The following SH3BP2 variants were observed in gnomAD, a reference collection of about 807,000 sequenced individuals.
SH3BP2 encodes the protein SH3 domain binding protein 2.
Under a neutral mutation model 56.2 loss-of-function variants are expected in SH3BP2, and 38 were observed. That is an observed-to-expected ratio of 0.68 (90% CI 0.52 to 0.89). SH3BP2 has a LOEUF of 0.89. Among genes scored for constraint, SH3BP2 ranks in the 40% least tolerant of loss-of-function variants. SH3BP2 has a pLI of 0.00. For missense variants in SH3BP2, 748 were observed against 762.6 expected (o/e 0.98, Z 0.23); for synonymous variants, 346 against 316.7 (o/e 1.09, Z -0.98).
intron 1 of SH3BP2, chr4:2,818,670 G>T: frequency 1.0e-6 from 1 of 986,492 alleles, no homozygotes; most frequent in Non-Finnish European, 1.2e-6. Flanking sequence ...TTCGGGCCGG[G>T]CGCGGTTGGG....
intron 7 of SH3BP2, among the ~76,000 whole-genome samples, chr4:2,828,799 G>A (rs1034507015): frequency 6.6e-6 from 1 of 151,986 alleles, no homozygotes. Flanking sequence ...CAGTTCCAGC[G>A]CTCAGTCCTG....
chr4:2,807,262 T>G (rs933936208), intron 1 of SH3BP2, among the ~76,000 whole-genome samples: 1 of 152,334 alleles, frequency 6.6e-6, no homozygotes, highest in East Asian at 1.9e-4. Flanking sequence ...ACCTCTCTCA[T>G]TGAGAGTCCA....
chr4:2,811,198 T>G (rs1723733933), intron 1 of SH3BP2, among the ~76,000 whole-genome samples: 1 of 152,162 alleles, frequency 6.6e-6, no homozygotes. Flanking sequence ...GCTGCCTTTT[T>G]TGAGTGACCC....
At chr4:2,793,354 G>A (rs1423996034) in intron 1 of SH3BP2, among the ~76,000 whole-genome samples, 1 of 148,104 alleles carries the variant, frequency 6.8e-6, no homozygotes, top group Non-Finnish European at 1.5e-5. Flanking sequence ...GGTCTTGGCA[G>A]GTCTCGGGGG....
Position 2,827,333 on chromosome 4 carries a change from C to T in SH3BP2, c.517+15C>T, listed in dbSNP as rs755317801. 1.9e-5 allele frequency: 31 copies of T among 1,609,116 alleles called. No individual in the cohort carries two copies. The highest frequency in any genetic ancestry group is 1.5e-4 in the Admixed American group (9 of 60,002). ...GGACAATGAAGGTGAGGTCTTTCTC[C>T]GCATCCACTGCCCGTTTGCCTCTCC... On this transcript the variant is annotated intron_variant, in intron 6 of 12. Coordinates refer to ENST00000503393, the MANE Select transcript of SH3BP2 (RefSeq NM_001122681.2).
chr4:2,840,803 A>T lies in SH3BP2; in HGVS notation c.*6969A>T, dbSNP rs1367515665. On this transcript the variant is annotated 3_prime_UTR_variant, in exon 13 of 13. Coordinates refer to ENST00000503393, the MANE Select transcript of SH3BP2 (RefSeq NM_001122681.2). ...CTATCAATCAGTTTTGGGAAAATTG[A>T]CGTCTTTACAATATTGAGTTTTCTG... is the stretch of plus-strand genomic sequence containing the variant. 2 of 152,188 alleles carry T rather than the reference A, an allele frequency of 1.3e-5. No homozygotes were observed. The highest frequency in any genetic ancestry group is 2.9e-5 in the Non-Finnish European group (2 of 68,030). 9.4% of individuals were successfully genotyped at this position (152,188 alleles called of 1,614,324 possible).
intron 1 of SH3BP2, among the ~76,000 whole-genome samples, chr4:2,808,501 G>C (rs1356913109): frequency 6.6e-6 from 1 of 152,108 alleles, no homozygotes; most frequent in Non-Finnish European, 1.5e-5. Context: ...CCCCAGGCAG[G>C]GTCCTTCTTT....
rs1401867989 is a variant in SH3BP2, at chr4:2,810,092, T to C, written c.-4-10522T>C. On this transcript the variant is annotated intron_variant, in intron 1 of 12. Transcript: ENST00000503393. The surrounding 1 kb of genome is among the most constrained non-coding windows in gnomAD (Gnocchi z 4.2). ...GGGGAGAATGGCCTGTGTTTAGGAA[T>C]ATGAACGGCAGTGTCATATGCCGCA... is the stretch of plus-strand genomic sequence containing the variant. Among the ~76,000 whole-genome samples, 2 of 152,278 alleles carry C rather than the reference T, an allele frequency of 1.3e-5. No homozygotes were observed. The highest frequency in any genetic ancestry group is 2.4e-5 in the African/African-American group (1 of 41,556).
intron 7 of SH3BP2, among the ~76,000 whole-genome samples, chr4:2,827,939 G>C (rs1486097878): frequency 6.6e-6 from 1 of 152,204 alleles, no homozygotes; most frequent in African/African-American, 2.4e-5. Flanking sequence ...GGTGGCCCTG[G>C]GGGTTAAGCA....
rs1560120443 is a variant in SH3BP2, at chr4:2,840,999, TTTG to T, written c.*7168_*7170del. 6.6e-6 allele frequency: 1 copy of T among 152,218 alleles called. No individual in the cohort carries two copies. The highest frequency in any genetic ancestry group is 6.5e-5 in the Admixed American group (1 of 15,284). The allele number at this position is 152,218 out of a possible 1,614,324, so 9.4% of individuals were successfully genotyped here. ...GTGTATTTTTAATTTCATTTTTTTT[TTTG>T]TTAATAGCATATAAAACACACCTTG... On this transcript the variant is annotated 3_prime_UTR_variant, in exon 13 of 13. Transcript: ENST00000503393.
At chr4:2,802,263 G>T (rs1170388738) in intron 1 of SH3BP2, among the ~76,000 whole-genome samples, 1 of 152,040 alleles carries the variant, frequency 6.6e-6, no homozygotes, top group Non-Finnish European at 1.5e-5. Flanking sequence ...TGGGTGTGGT[G>T]GTATGACCTG....
In SH3BP2 at chr4:2,830,016, G is replaced by C. The variant is rs1218387660; in HGVS notation, c.1110G>C (p.Glu370Asp). 3 of 1,613,036 alleles carry C rather than the reference G, an allele frequency of 1.9e-6. No individual in the cohort carries two copies. Among genetic ancestry groups the C allele is most frequent in the Non-Finnish European group, 1.7e-6 (2 of 1,179,994 alleles). The stretch of plus-strand genomic sequence containing the variant: ...TAGCTGAAGAGGACCCCCCAAGGGA[G>C]GCAGCCATGCCCGGACTCTTTGTGC... ...LKIAEEDPPR[E>D]AAMPGLFVPP... Residue 370 changes from glutamate to aspartate, a missense_variant, in exon 8 of 13, where the codon GAG becomes GAC. Glu to Asp is a conservative substitution (Grantham distance 45, BLOSUM62 2). Coordinates refer to ENST00000503393, the MANE Select transcript of SH3BP2 (RefSeq NM_001122681.2).
At chr4:2,803,028 A>C (rs537433316) in intron 1 of SH3BP2, among the ~76,000 whole-genome samples, 2 of 152,212 alleles carry the variant, frequency 1.3e-5, no homozygotes, top group Non-Finnish European at 2.9e-5. Context: ...GCTGAGCCCG[A>C]GGTGTGTGCA....
chr4:2,807,594 G>A (rs751750228), intron 1 of SH3BP2, among the ~76,000 whole-genome samples: 3 of 152,188 alleles, frequency 2.0e-5, no homozygotes, highest in Non-Finnish European at 2.9e-5. Flanking sequence ...GTTTCCATGT[G>A]GAGGTGACTG....
intron 1 of SH3BP2, among the ~76,000 whole-genome samples, chr4:2,808,028 A>G (rs1386898383): frequency 6.6e-6 from 1 of 152,204 alleles, no homozygotes; most frequent in East Asian, 1.9e-4. Flanking sequence ...GGAAGGACTC[A>G]GGTGAGTCCC....
chr4:2,832,349 C>G lies in SH3BP2; in HGVS notation c.1425C>G (p.Ser475Arg). 6.2e-7 allele frequency: 1 copy of G among 1,613,670 alleles called. No homozygotes were observed. The highest frequency in any genetic ancestry group is 8.5e-7 in the Non-Finnish European group (1 of 1,179,582). Reference protein sequence around the residue: ...CEVERLFKATSPRGEPQDGLY... With the variant: ...CEVERLFKATRPRGEPQDGLY... ...ATTTTAGGTTGTTCAAGGCTACAAG[C>G]CCCCGGGGAGAGCCCCAGGATGGAC... is the stretch of plus-strand genomic sequence containing the variant. The change falls in exon 11 of 13, where the codon AGC (serine) becomes AGG (arginine). Residue 475 changes from serine to arginine, a missense_variant. This residue lies in a region of SH3BP2 where 635 missense variants were observed against 615.0 expected (regional missense o/e 1.03). Transcript: ENST00000503393.
Position 2,812,795 on chromosome 4 carries a change from C to T in SH3BP2, c.-4-7819C>T, listed in dbSNP as rs143030195. Among the ~76,000 whole-genome samples, 189 of 151,690 alleles carry T rather than the reference C, an allele frequency of 1.2e-3. 1 individual carries two copies. The highest frequency in any genetic ancestry group is 3.8e-3 in the African/African-American group (159 of 41,550). On this transcript the variant is annotated intron_variant, in intron 1 of 12. Transcript: ENST00000503393. ...AGCCTGCTGGGGTGGGGCCCAGGTCCGGGAACTTCTCATGATACAGCCTGC... is the reference window on the plus strand; with the variant it reads ...AGCCTGCTGGGGTGGGGCCCAGGTCTGGGAACTTCTCATGATACAGCCTGC...
chr4:2,799,063 T>C (rs1352527257), intron 1 of SH3BP2: 9 of 985,376 alleles, frequency 9.1e-6, no homozygotes, highest in Non-Finnish European at 1.1e-5. Flanking sequence ...TTAGGACTAA[T>C]GGCGCTCAGG....
Position 2,831,437 on chromosome 4 carries a change from T to A in SH3BP2, c.1242-134T>A. 1.4e-6 allele frequency: 1 copy of A among 731,914 alleles called. No individual in the cohort carries two copies. The highest frequency in any genetic ancestry group is 2.5e-6 in the Non-Finnish European group (1 of 405,682). The allele number at this position is 731,914 out of a possible 1,614,324, so 45.3% of individuals were successfully genotyped here. On this transcript the variant is annotated intron_variant, in intron 8 of 12. Transcript: ENST00000503393. The surrounding 1 kb of genome is among the most constrained non-coding windows in gnomAD (Gnocchi z 4.1). ...TACCCGGATCTCTGTTGTCCTGAGCTTTTTAGGGTCACAGGGGCCATAGCA... is the reference window on the plus strand; with the variant it reads ...TACCCGGATCTCTGTTGTCCTGAGCATTTTAGGGTCACAGGGGCCATAGCA...
Sources: gnomAD v4.1 joint callset for allele counts (sites outside exome capture counted in the v4.1 genomes callset) on GRCh38, gnomAD v4.1.1 for gene constraint, gnomAD v4.1.1 regional missense constraint, Gnocchi (gnomAD v3.1) non-coding constraint, MANE v1.5 for transcripts, NCBI Gene and HGNC (gene_info 2026-07-23, HGNC 2026-07-21) for gene names.